FXYD5: variants seen among roughly 807,000 people sequenced by gnomAD.
FXYD5 encodes FXYD domain containing ion transport regulator 5, also known as FXYD domain-containing ion transport regulator 5.
Under a neutral mutation model 25.7 loss-of-function variants are expected in FXYD5, and 21 were observed. That is an observed-to-expected ratio of 0.82 (90% CI 0.58 to 1.18). FXYD5 has a LOEUF of 1.18. FXYD5 is among the 50% of genes most tolerant of loss of function. The pLI, the probability that FXYD5 is intolerant of heterozygous loss-of-function variation, is 0.00. For synonymous variants in FXYD5, 101 were observed against 90.7 expected (o/e 1.11, Z -0.64); for missense variants, 229 against 227.7 (o/e 1.01, Z -0.04).
intron 8 of FXYD5, 110 bp from the exon 9 acceptor site, chr19:35,169,456 T>G: frequency 1.2e-6 from 1 of 807,004 alleles, no homozygotes; most frequent in Non-Finnish European, 2.1e-6. Flanking sequence ...GGAGTTGCCT[T>G]TGAGTTTCCC....
At position 35,160,702 on chromosome 19, in the gene FXYD5, T is replaced by C; in HGVS notation, c.200-7T>C. The C allele has an allele frequency of 6.2e-7, 1 of 1,602,678 alleles. No homozygotes were observed. Among genetic ancestry groups the C allele is most frequent in the Admixed American group, 1.7e-5 (1 of 59,960 alleles). On this transcript the variant is annotated splice_region_variant and splice_polypyrimidine_tract_variant and intron_variant, in intron 4 of 8. Transcript: ENST00000392219. ...TCCTTCCCTCCTTGCTCTCCTGACCTGAATAGAAACACCACAACCCCAGAC... is the reference window on the plus strand; with the variant it reads ...TCCTTCCCTCCTTGCTCTCCTGACCCGAATAGAAACACCACAACCCCAGAC...
At chr19:35,169,486 T>C (rs2145434939) in intron 8 of FXYD5, 80 bp from the exon 9 acceptor site, 1 of 1,077,472 alleles carries the variant, frequency 9.3e-7, no homozygotes, top group Non-Finnish European at 1.4e-6. Flanking sequence ...GGTTGATCAA[T>C]CTGGTTCCCC....
At chr19:35,165,392 T>G (rs1046831344) in intron 6 of FXYD5, among the ~76,000 whole-genome samples, 3 of 152,220 alleles carry the variant, frequency 2.0e-5, no homozygotes, top group African/African-American at 7.2e-5. Flanking sequence ...AACTTCCTGA[T>G]GTTGCCATGG....
chr19:35,166,724 C>T (rs1452732787), intron 8 of FXYD5: 2 of 269,746 alleles, frequency 7.4e-6, no homozygotes, highest in Non-Finnish European at 1.4e-5. Flanking sequence ...TGCATGCAGG[C>T]TCAGAACTGG....
rs762478327 is a variant in FXYD5, at chr19:35,158,407, A to G, written c.199+7A>G. 5 of 1,563,830 alleles carry G rather than the reference A, an allele frequency of 3.2e-6. No homozygotes were observed. The highest frequency in any genetic ancestry group is 4.4e-6 in the Non-Finnish European group (5 of 1,134,752). On this transcript the variant is annotated splice_region_variant and intron_variant, in intron 4 of 8. Coordinates refer to ENST00000392219, the MANE Select transcript of FXYD5 (RefSeq NM_014164.6). ...CCAACCTGGCCTGCTGATGGTGAGT[A>G]GTGCAGGGGCAGGCGGCGGGGACAG...
chr19:35,161,319 C>T lies in FXYD5; in HGVS notation c.292+518C>T, dbSNP rs145694955. ...AACTTCAGGCATAGCTGGATCAAGG[C>T]GAGTAAGCACTGTCATGAGTGCTTT... On this transcript the variant is annotated intron_variant, in intron 5 of 8. Transcript: ENST00000392219. 2.5e-4 allele frequency among the ~76,000 whole-genome samples: 38 copies of T among 151,128 alleles called. 1 individual carries two copies. The East Asian group carries it at 4.7e-3, about 19-fold the overall frequency.
At chr19:35,165,551 C>G (rs1390211716) in intron 6 of FXYD5, among the ~76,000 whole-genome samples, 1 of 151,934 alleles carries the variant, frequency 6.6e-6, no homozygotes, top group Admixed American at 6.6e-5. Context: ...TTACTGCAAC[C>G]TGTTTTATCA....
chr19:35,166,622 G>T (rs2065453550), intron 8 of FXYD5: 2 of 447,666 alleles, frequency 4.5e-6, no homozygotes, highest in Non-Finnish European at 7.8e-6. Flanking sequence ...TGTTTCTGGG[G>T]TGCCTTGGCT....
chr19:35,169,250 T>G (rs1600514239), intron 8 of FXYD5, among the ~76,000 whole-genome samples: 1 of 152,210 alleles, frequency 6.6e-6, no homozygotes, highest in Non-Finnish European at 1.5e-5. Context: ...TCTTTCCCCA[T>G]AGAAAGACAA....
At chr19:35,168,116 G>T (rs1370920997) in intron 8 of FXYD5, among the ~76,000 whole-genome samples, 13 of 151,930 alleles carry the variant, frequency 8.6e-5, no homozygotes, top group African/African-American at 2.7e-4. Context: ...ACCCAGGTTT[G>T]TGTGAGAGCA....
intron 5 of FXYD5, among the ~76,000 whole-genome samples, chr19:35,162,041 G>C (rs1382755526): frequency 6.6e-6 from 1 of 152,244 alleles, no homozygotes; most frequent in African/African-American, 2.4e-5. Context: ...AAGTGCACCT[G>C]TAGGGGTGGG....
chr19:35,159,421 C>T, intron 4 of FXYD5: 2 of 1,490,834 alleles, frequency 1.3e-6, no homozygotes, highest in South Asian at 2.7e-5. Context: ...CTGCAGCTTG[C>T]TTTGTTTCTT....
At chr19:35,169,398 G>A (rs935644142) in intron 8 of FXYD5, among the ~76,000 whole-genome samples, 168 bp from the exon 9 acceptor site, 2 of 151,694 alleles carry the variant, frequency 1.3e-5, no homozygotes, top group Non-Finnish European at 2.9e-5. Context: ...CCTCTCGCAG[G>A]GCCCCAGCAC....
intron 2 of FXYD5, among the ~76,000 whole-genome samples, 165 bp from the exon 3 acceptor site, chr19:35,157,256 T>C (rs1355768239): frequency 1.3e-5 from 2 of 152,056 alleles, no homozygotes; most frequent in South Asian, 2.1e-4. Flanking sequence ...TTCCCAGGCA[T>C]TGGCATAGCT....
chr19:35,168,790 C>T (rs903059875), intron 8 of FXYD5, among the ~76,000 whole-genome samples: 1 of 152,170 alleles, frequency 6.6e-6, no homozygotes, highest in Non-Finnish European at 1.5e-5. Context: ...TGGCAGGCCA[C>T]AGTGGTTCAC....
chr19:35,159,599 C>G, intron 4 of FXYD5: 2 of 1,550,534 alleles, frequency 1.3e-6, no homozygotes, highest in Non-Finnish European at 1.7e-6. Flanking sequence ...ACACACAGCA[C>G]CACAATGAGC....
At position 35,169,869 on chromosome 19, in the gene FXYD5, C is replaced by G; in HGVS notation, c.*254C>G. 2 of 496,170 alleles carry G rather than the reference C, an allele frequency of 4.0e-6. No homozygotes were observed. The highest frequency in any genetic ancestry group is 7.3e-6 in the Non-Finnish European group (2 of 272,830). 30.7% of individuals were successfully genotyped at this position (496,170 alleles called of 1,614,324 possible). ...CTCTGCTAAGACAAAAAGTAAAGCACTGTGGTCTTTGCCCCAGGATCTCTG... is the reference window on the plus strand; with the variant it reads ...CTCTGCTAAGACAAAAAGTAAAGCAGTGTGGTCTTTGCCCCAGGATCTCTG... On this transcript the variant is annotated 3_prime_UTR_variant, in exon 9 of 9. Coordinates refer to ENST00000392219, the MANE Select transcript of FXYD5 (RefSeq NM_014164.6).
rs141245626 is a variant in FXYD5 at position 35,160,751 on chromosome 19, C to T, written c.242C>T (p.Thr81Met). The change falls in exon 5 of 9, where the codon ACG (threonine) becomes ATG (methionine). Residue 81 changes from threonine (T) to methionine (M), a missense_variant. By Grantham distance (81) the Thr-to-Met change is moderately conservative. Coordinates refer to ENST00000392219, the MANE Select transcript of FXYD5 (RefSeq NM_014164.6). ...PQTQTQQLEG[T>M]DGPLVTDPET... ...ACCCAGACCCAGCAACTGGAAGGAACGGATGGGCCTCTAGTGACAGATCCA... is the reference window on the plus strand; with the variant it reads ...ACCCAGACCCAGCAACTGGAAGGAATGGATGGGCCTCTAGTGACAGATCCA... 175 of 1,613,624 alleles carry T rather than the reference C, an allele frequency of 1.1e-4. No homozygotes were observed. In the African/African-American group the frequency reaches 1.5e-3, roughly 14 times the overall value.
rs112084586 is a variant in FXYD5, at chr19:35,163,405, A to ATT, written c.293-737_293-736dup. Among the ~76,000 whole-genome samples the ATT allele has an allele frequency of 6.4e-3, 904 of 140,286 alleles. 9 individuals are homozygous for ATT. Among genetic ancestry groups the ATT allele is most frequent in the African/African-American group, 0.02 (755 of 37,836 alleles). 92.0% of individuals were successfully genotyped at this position (140,286 alleles called of 152,430 possible). On this transcript the variant is annotated intron_variant, in intron 5 of 8. Transcript: ENST00000392219. ...GGAGGCCTTTTCTTTGGAGGTACTG[A>ATT]TTTTTTTTTTTTTTTCAAGAGAAGA...
Sources: allele counts gnomAD v4.1 joint callset (sites outside exome capture counted in the v4.1 genomes callset), GRCh38; gene constraint gnomAD v4.1.1; transcripts MANE v1.5; gene names NCBI Gene and HGNC (gene_info 2026-07-23, HGNC 2026-07-21).